AMZ1: variants seen among roughly 807,000 people sequenced by gnomAD.
AMZ1 encodes the protein archaemetzincin-1.
A neutral mutation model predicts 29.9 loss-of-function variants in AMZ1; 39 were observed. That is an observed-to-expected ratio of 1.30 (90% CI 1.01 to 1.70). The LOEUF is 1.70. Ranked by LOEUF, AMZ1 falls within the 40% of genes most tolerant of loss-of-function variation. The pLI, the probability that AMZ1 is intolerant of heterozygous loss-of-function variation, is 0.00. For synonymous variants in AMZ1, 458 were observed against 304.0 expected, an observed-to-expected ratio of 1.51 and a Z score of -5.27; for missense variants, 1,041 against 680.6, an observed-to-expected ratio of 1.53 and a Z score of -5.89.
chr7:2,710,373 C>T (rs1788694221), intron 6 of AMZ1, among the ~76,000 whole-genome samples: 1 of 152,200 alleles, frequency 6.6e-6, no homozygotes, highest in African/African-American at 2.4e-5. Flanking sequence ...AGTGCAAAGG[C>T]AGGTGGTGGT....
At chr7:2,708,757 G>A (rs1365292314) in intron 4 of AMZ1, 41 bp downstream of exon 4, 3 of 1,610,172 alleles carry the variant, frequency 1.9e-6, no homozygotes, top group Non-Finnish European at 2.5e-6. Flanking sequence ...GGGGTAGCCT[G>A]GCATGGGGCT....
intron 2 of AMZ1, 64 bp from the exon 3 acceptor site, chr7:2,702,658 C>G: frequency 6.8e-7 from 1 of 1,468,860 alleles, no homozygotes; most frequent in South Asian, 1.3e-5. Flanking sequence ...GCGAGTGATT[C>G]CCGGGGAGAG....
chr7:2,693,903 A>G lies in AMZ1; in HGVS notation c.-219+5607A>G, dbSNP rs112100206. ...CCTGTCACCTTCTAACCTACCTTCT[A>G]TGCTATTTACTTAGCACTTTTGCCA... On this transcript the variant is annotated intron_variant, in intron 1 of 6. Transcript: ENST00000683327. Among the ~76,000 whole-genome samples the G allele has an allele frequency of 4.2e-4, 64 of 152,124 alleles. 1 individual carries two copies. The highest frequency in any genetic ancestry group is 1.4e-3 in the African/African-American group (60 of 41,506).
rs951477553 is a variant in AMZ1, at chr7:2,719,573, C to T, written c.*6695C>T. ...AATACACCTGGAACATTTTATACTG[C>T]AATGACTGATGGACGACTTTGATAT... On this transcript the variant is annotated 3_prime_UTR_variant, in exon 7 of 7. Transcript: ENST00000683327. Among the ~76,000 whole-genome samples, 34 of 152,226 alleles carry T rather than the reference C, an allele frequency of 2.2e-4. No individual in the cohort carries two copies. Among genetic ancestry groups the T allele is most frequent in the Admixed American group, 2.2e-3 (34 of 15,288 alleles).
In AMZ1 at chr7:2,731,896, T is replaced by G. The variant is rs992363540; in HGVS notation, n.550+22080T>G. Reference sequence around the variant, plus strand: ...AGAAACCAAAAGCAAATTTCATTTATAACATTATCAACTGGCCGTGAAACA... The same window carrying G: ...AGAAACCAAAAGCAAATTTCATTTAGAACATTATCAACTGGCCGTGAAACA... On this transcript the variant is annotated intron_variant and non_coding_transcript_variant, in intron 4 of 4. Coordinates refer to the AMZ1 transcript ENST00000489665. The surrounding 1 kb of genome is among the most constrained non-coding windows in gnomAD (Gnocchi z 6.0). 7.6e-6 allele frequency: 4 copies of G among 523,786 alleles called. No homozygotes were observed. Among genetic ancestry groups the G allele is most frequent in the Non-Finnish European group, 1.3e-5 (4 of 298,116 alleles). 32.4% of individuals were successfully genotyped at this position (523,786 alleles called of 1,614,324 possible).
At position 2,715,869 on chromosome 7, in the gene AMZ1, ATTAAAT is replaced by A. The variant is rs1789093053; in HGVS notation, c.*2995_*3000del. 6.6e-6 allele frequency: 1 copy of A among 152,134 alleles called. No individual in the cohort carries two copies. The highest frequency in any genetic ancestry group is 6.5e-5 in the Admixed American group (1 of 15,286). 9.4% of individuals were successfully genotyped at this position (152,134 alleles called of 1,614,324 possible). A position where few individuals can be genotyped will look rare whatever the true frequency, so the allele number is the denominator to read the frequency against. On this transcript the variant is annotated 3_prime_UTR_variant, in exon 7 of 7. Transcript: ENST00000683327. ...TAAGTGCTGCAGAAGTTGAACTGAG[ATTAAAT>A]TTAGAGATGATGGTTTCCAAGACAC...
chr7:2,717,626 C>T lies in AMZ1; in HGVS notation c.*4748C>T, dbSNP rs887740434. Among the ~76,000 whole-genome samples, 26 of 152,310 alleles carry T rather than the reference C, an allele frequency of 1.7e-4. No homozygotes were observed. Among genetic ancestry groups the T allele is most frequent in the African/African-American group, 5.8e-4 (24 of 41,566 alleles). ...ACACGAGGCTGTCAAAGATAAACAC[C>T]GCAGGGTAATCTAGGAAACACTTCC... On this transcript the variant is annotated 3_prime_UTR_variant, in exon 7 of 7. Coordinates refer to ENST00000683327, the MANE Select transcript of AMZ1 (RefSeq NM_001384743.1).
chr7:2,700,809 G>A (rs903900939), intron 2 of AMZ1, 54 bp downstream of exon 2: 2 of 1,575,084 alleles, frequency 1.3e-6, no homozygotes, highest in Admixed American at 3.4e-5. Context: ...CTTATATATA[G>A]CACAAGTGGG....
Position 2,714,408 on chromosome 7 carries a change from C to T in AMZ1, c.*1530C>T, listed in dbSNP as rs1208506270. The T allele has an allele frequency of 1.3e-5, 2 of 152,376 alleles. No individual in the cohort carries two copies. The highest frequency in any genetic ancestry group is 6.5e-5 in the Admixed American group (1 of 15,276). 9.4% of individuals were successfully genotyped at this position (152,376 alleles called of 1,614,324 possible). A position where few individuals can be genotyped will look rare whatever the true frequency, so the allele number is the denominator to read the frequency against. On this transcript the variant is annotated 3_prime_UTR_variant, in exon 7 of 7. Transcript: ENST00000683327. ...TCCTGGTCCCACTCCGTGTTGACTT[C>T]AGAGAAGCAAAGATGCAGCTCAGAA...
At chr7:2,696,760 C>T (rs1787772737) in intron 1 of AMZ1, among the ~76,000 whole-genome samples, 1 of 151,972 alleles carries the variant, frequency 6.6e-6, no homozygotes, top group African/African-American at 2.4e-5. Flanking sequence ...GTGGTGGGTG[C>T]CTGTAGTCCC....
chr7:2,731,569 G>C lies in AMZ1; in HGVS notation n.550+21753G>C. ...GAGGACCTGGTCGTACTCGCTGGAG[G>C]AGACCATGAACAGGATGGACGTGAT... On this transcript the variant is annotated intron_variant and non_coding_transcript_variant, in intron 4 of 4. Transcript: ENST00000489665. This position sits in a 1 kb window ranked among gnomAD's most constrained non-coding sequence, Gnocchi z 6.0. The C allele has an allele frequency of 1.2e-6, 2 of 1,612,690 alleles. No homozygotes were observed. Among genetic ancestry groups the C allele is most frequent in the Non-Finnish European group, 1.7e-6 (2 of 1,179,046 alleles).
Position 2,717,069 on chromosome 7 carries a change from C to T in AMZ1, c.*4191C>T, listed in dbSNP as rs965473470. 1.3e-5 allele frequency among the ~76,000 whole-genome samples: 2 copies of T among 152,186 alleles called. No individual in the cohort carries two copies. The highest frequency in any genetic ancestry group is 4.8e-5 in the African/African-American group (2 of 41,442). On this transcript the variant is annotated 3_prime_UTR_variant, in exon 7 of 7. Transcript: ENST00000683327. ...CTGATCCCTGAGCAGCCCCCACACACCGGCACCCACGCCCCTCGGTTCTGA... is the reference window on the plus strand; with the variant it reads ...CTGATCCCTGAGCAGCCCCCACACATCGGCACCCACGCCCCTCGGTTCTGA...
chr7:2,709,790 G>A lies in AMZ1; in HGVS notation c.922G>A (p.Gly308Ser), dbSNP rs1217056240. The change falls in exon 6 of 7, where the codon GGT becomes AGT. Residue 308 changes from glycine to serine, a missense_variant. Gly to Ser is a moderately conservative substitution (Grantham distance 56, BLOSUM62 0). Coordinates refer to ENST00000683327, the MANE Select transcript of AMZ1 (RefSeq NM_001384743.1). ...CCTGAGGAAGCTGCAGCATGTCCTG[G>A]GTTTCAGGCTCATCGAGAGGTACCA... ...ICLRKLQHVL[G>S]FRLIERYQRL... The A allele has an allele frequency of 1.2e-6, 2 of 1,612,112 alleles. No individual in the cohort carries two copies. Among genetic ancestry groups the A allele is most frequent in the Non-Finnish European group, 1.7e-6 (2 of 1,179,860 alleles).
chr7:2,723,337 G>C (rs1046518555), downstream of AMZ1, among the ~76,000 whole-genome samples: 2 of 152,226 alleles, frequency 1.3e-5, no homozygotes, highest in Admixed American at 1.3e-4. Context: ...CAGCCTGGGT[G>C]AGCGGGAGAG....
chr7:2,718,124 T>G lies in AMZ1; in HGVS notation c.*5246T>G, dbSNP rs994034475. Reference sequence around the variant, plus strand: ...GACGACACCTACCAGATTCCACCACTGAGGCCTCCCTCGATGCCTGCTCCC... The same window carrying G: ...GACGACACCTACCAGATTCCACCACGGAGGCCTCCCTCGATGCCTGCTCCC... On this transcript the variant is annotated 3_prime_UTR_variant, in exon 7 of 7. Coordinates refer to ENST00000683327, the MANE Select transcript of AMZ1 (RefSeq NM_001384743.1). Among the ~76,000 whole-genome samples the G allele has an allele frequency of 6.6e-6, 1 of 152,168 alleles. No individual in the cohort carries two copies. The highest frequency in any genetic ancestry group is 2.4e-5 in the African/African-American group (1 of 41,434).
rs530312415 is a variant in AMZ1 at position 2,737,861 on chromosome 7, C to A, written n.551-26851C>A. On this transcript the variant is annotated intron_variant and non_coding_transcript_variant, in intron 4 of 4. Transcript: ENST00000489665. ...ATTTGATTTCCACTGAATAGAGACG[C>A]TAGCCAAACAACAGAGAATCTTTCA... 7.9e-5 allele frequency among the ~76,000 whole-genome samples: 12 copies of A among 152,278 alleles called. No individual in the cohort carries two copies. The South Asian group carries it at 2.5e-3, about 32-fold the overall frequency.
chr7:2,695,963 A>G (rs1300394204), intron 1 of AMZ1, among the ~76,000 whole-genome samples: 4 of 147,522 alleles, frequency 2.7e-5, no homozygotes, highest in African/African-American at 1.0e-4. Flanking sequence ...GAGCTGAGAT[A>G]GTGCCATTGG....
At chr7:2,732,697 A>G (rs1789962210) in intron 4 of AMZ1, among the ~76,000 whole-genome samples, 2 of 152,352 alleles carry the variant, frequency 1.3e-5, no homozygotes, top group African/African-American at 2.4e-5. Flanking sequence ...CGGGGTGTGC[A>G]GGGGACAGAG....
In AMZ1 at chr7:2,701,287, C is replaced by T. The variant is rs73283135; in HGVS notation, c.304+532C>T. ...TGAAATGAGGATCAGCCCATTTCGC[C>T]GGCAAGGAGATGGAAGCAGGGAGAG... is the stretch of plus-strand genomic sequence containing the variant. On this transcript the variant is annotated intron_variant, in intron 2 of 6. Transcript: ENST00000683327. 7.8e-3 allele frequency among the ~76,000 whole-genome samples: 1,187 copies of T among 151,268 alleles called. 16 individuals carry two copies. The highest frequency in any genetic ancestry group is 0.027 in the African/African-American group (1,135 of 41,344).
Sources: allele counts gnomAD v4.1 joint callset (sites outside exome capture counted in the v4.1 genomes callset), GRCh38; gene constraint gnomAD v4.1.1; non-coding constraint Gnocchi (gnomAD v3.1); transcripts MANE v1.5; gene names NCBI Gene and HGNC (gene_info 2026-07-23, HGNC 2026-07-21).